CALN1: variants seen among roughly 807,000 people sequenced by gnomAD.
CALN1 encodes calneuron 1.
Under a neutral mutation model 30.6 loss-of-function variants are expected in CALN1, and 17 were observed. That is an observed-to-expected ratio of 0.56 (90% CI 0.38 to 0.83). The LOEUF is 0.83. Among genes scored for constraint, CALN1 ranks in the 40% least tolerant of loss-of-function variants. The pLI is 0.00. For synonymous variants in CALN1, 156 were observed against 131.4 expected (o/e 1.19, Z -1.28); for missense variants, 291 against 354.9 (o/e 0.82, Z 1.45).
intron 5 of CALN1, among the ~76,000 whole-genome samples, chr7:71,883,874 T>C (rs903623732): frequency 6.6e-6 from 1 of 152,178 alleles, no homozygotes; most frequent in Non-Finnish European, 1.5e-5. Context: ...TATGTCTCCA[T>C]TAAATGTTTC....
chr7:71,866,167 G>A (rs900474302), intron 5 of CALN1, among the ~76,000 whole-genome samples: 3 of 151,532 alleles, frequency 2.0e-5, no homozygotes, highest in South Asian at 2.1e-4. Context: ...CACCACACCC[G>A]GCTAATTTTT....
intron 3 of CALN1, among the ~76,000 whole-genome samples, chr7:72,258,718 G>A (rs1413517521): frequency 6.6e-6 from 1 of 152,110 alleles, no homozygotes; most frequent in Admixed American, 6.6e-5. Flanking sequence ...AGGAGTTCAA[G>A]ACCAGCCTGG....
chr7:72,364,019 G>C (rs1803725451), intron 2 of CALN1, among the ~76,000 whole-genome samples: 1 of 151,752 alleles, frequency 6.6e-6, no homozygotes, highest in Admixed American at 6.6e-5. Context: ...ACAGGCGTGA[G>C]CCACGGTGCC....
chr7:72,376,492 C>T (rs187290437), intron 2 of CALN1, among the ~76,000 whole-genome samples: 1 of 152,176 alleles, frequency 6.6e-6, no homozygotes, highest in Non-Finnish European at 1.5e-5. Flanking sequence ...CATGTGCTTA[C>T]TGACTACTTG....
the CALN1 span, among the ~76,000 whole-genome samples, chr7:72,491,380 G>A: frequency 2.0e-5 from 3 of 152,184 alleles, no homozygotes; most frequent in Admixed American, 6.5e-5. Flanking sequence ...AGCAGCCTGG[G>A]CAACAGAGCA....
chr7:72,399,491 G>C (rs775082594), intron 2 of CALN1, among the ~76,000 whole-genome samples: 5 of 151,796 alleles, frequency 3.3e-5, no homozygotes, highest in Admixed American at 6.6e-5. Flanking sequence ...AGATGGTCTC[G>C]ATCTCTTGAC....
the CALN1 span, among the ~76,000 whole-genome samples, chr7:72,468,005 A>G: frequency 6.6e-6 from 1 of 152,156 alleles, no homozygotes; most frequent in African/African-American, 2.4e-5. Context: ...ATCATATAGT[A>G]TGTTTTGTGC....
chr7:71,983,690 C>T (rs147351867), intron 5 of CALN1, among the ~76,000 whole-genome samples: 1,643 of 152,258 alleles, frequency 0.011, 14 homozygotes, highest in Admixed American at 0.014. Context: ...CGCTACCATG[C>T]CTGGCTAATT....
At chr7:72,068,312 C>T (rs140478442) in intron 4 of CALN1, among the ~76,000 whole-genome samples, 15 of 152,272 alleles carry the variant, frequency 9.9e-5, no homozygotes, top group Non-Finnish European at 1.6e-4. Flanking sequence ...GAAATAGATA[C>T]GAGAAGGTTC....
intron 5 of CALN1, among the ~76,000 whole-genome samples, chr7:71,823,543 C>G (rs999296887): frequency 6.6e-6 from 1 of 152,118 alleles, no homozygotes; most frequent in East Asian, 1.9e-4. Context: ...TATGGTGAAA[C>G]CCCGTCTCTA....
At chr7:72,337,314 G>C (rs780468370) in intron 2 of CALN1, 35 of 982,758 alleles carry the variant, frequency 3.6e-5, no homozygotes, top group Non-Finnish European at 4.2e-5. Context: ...GCTCCTCCGA[G>C]GGTCGGGGAG....
chr7:72,485,027 G>C, the CALN1 span, among the ~76,000 whole-genome samples: 1 of 151,978 alleles, frequency 6.6e-6, no homozygotes, highest in African/African-American at 2.4e-5. Flanking sequence ...TACTTGTCTT[G>C]GCAGACAGAC....
At chr7:72,101,144 T>G (rs1262375476) in intron 4 of CALN1, among the ~76,000 whole-genome samples, 1 of 151,936 alleles carries the variant, frequency 6.6e-6, no homozygotes, top group East Asian at 2.0e-4. Flanking sequence ...TTTTGTATTT[T>G]TAGTAGAGAC....
intron 5 of CALN1, among the ~76,000 whole-genome samples, chr7:71,845,761 A>G (rs577035190): frequency 6.6e-6 from 1 of 152,172 alleles, no homozygotes; most frequent in East Asian, 1.9e-4. Flanking sequence ...CTGGGTTAAG[A>G]TTAACACTCT....
At chr7:72,043,895 G>A (rs972646838) in intron 4 of CALN1, among the ~76,000 whole-genome samples, 17 of 152,206 alleles carry the variant, frequency 1.1e-4, no homozygotes, top group South Asian at 2.1e-4. Context: ...CAATCATGGC[G>A]GAAGGCAAAG....
At chr7:72,047,446 G>A (rs1383149841) in intron 4 of CALN1, among the ~76,000 whole-genome samples, 1 of 152,086 alleles carries the variant, frequency 6.6e-6, no homozygotes, top group East Asian at 1.9e-4. Flanking sequence ...AAAATTAGCT[G>A]GGTGTGGTGG....
intron 1 of CALN1, among the ~76,000 whole-genome samples, chr7:72,438,801 G>A (rs1265245190): frequency 1.3e-5 from 2 of 152,150 alleles, no homozygotes; most frequent in African/African-American, 4.8e-5. Context: ...TTCAAGCGAT[G>A]CCAAATAGCT....
intron 5 of CALN1, among the ~76,000 whole-genome samples, chr7:71,930,206 AC>A (rs747018672): frequency 1.3e-5 from 2 of 152,202 alleles, no homozygotes; most frequent in African/African-American, 2.4e-5. Flanking sequence ...CAGATGCAGA[AC>A]CCACGGATAC....
intron 5 of CALN1, among the ~76,000 whole-genome samples, chr7:71,851,839 G>A (rs1375672652): frequency 1.3e-5 from 2 of 152,162 alleles, no homozygotes; most frequent in African/African-American, 4.8e-5. Context: ...TCTGTGAACT[G>A]ACAAGAAAGG....
Sources: allele counts gnomAD v4.1 joint callset (sites outside exome capture counted in the v4.1 genomes callset), GRCh38; gene constraint gnomAD v4.1.1; transcripts MANE v1.5; gene names NCBI Gene and HGNC (gene_info 2026-07-23, HGNC 2026-07-21).